FGFR3: variants seen among roughly 807,000 people sequenced by gnomAD.
FGFR3 encodes fibroblast growth factor receptor 3.
Under a neutral mutation model 82.9 loss-of-function variants are expected in FGFR3, and 25 were observed. The observed-to-expected ratio is 0.30, with a 90% CI of 0.22 to 0.42. FGFR3 has a LOEUF of 0.42. FGFR3 is among the 10% of genes least tolerant of loss of function. FGFR3 has a pLI of 1.00. For missense variants in FGFR3, 1,026 were observed against 1,161.0 expected (o/e 0.88, Z 1.69); for synonymous variants, 620 against 516.0 (o/e 1.20, Z -2.73).
intron 7 of FGFR3, chr4:1,803,086 G>T: frequency 6.5e-7 from 1 of 1,544,054 alleles, no homozygotes; most frequent in Non-Finnish European, 8.7e-7. Flanking sequence ...GTCCCATGCC[G>T]GCCGGCACAA....
In FGFR3 at chr4:1,803,848, T is replaced by C. The variant is rs1045418098; in HGVS notation, c.1075+12T>C. The C allele has an allele frequency of 6.9e-6, 11 of 1,598,700 alleles. No individual in the cohort carries two copies. In the Admixed American group the frequency reaches 1.3e-4, roughly 19 times the overall value. ...GGTGGTGCTGCCAGGTACCGGCTTCTGCTGCTGCTGCTGCTCCGCACTGTC... is the reference window on the plus strand; with the variant it reads ...GGTGGTGCTGCCAGGTACCGGCTTCCGCTGCTGCTGCTGCTCCGCACTGTC... On this transcript the variant is annotated intron_variant, in intron 8 of 17. Transcript: ENST00000440486.
chr4:1,796,778 G>A (rs1720565026), intron 2 of FGFR3, among the ~76,000 whole-genome samples: 1 of 152,176 alleles, frequency 6.6e-6, no homozygotes, highest in Admixed American at 6.5e-5. Flanking sequence ...GAGACCCAGG[G>A]CAGGGAGCGC....
intron 2 of FGFR3, among the ~76,000 whole-genome samples, chr4:1,795,821 C>G (rs1720443422): frequency 1.3e-5 from 2 of 152,176 alleles, no homozygotes; most frequent in African/African-American, 2.4e-5. Context: ...AGGGCCTTTC[C>G]CGAAGGTGCT....
At position 1,801,752 on chromosome 4, in the gene FGFR3, C is replaced by T; in HGVS notation, c.739+9C>T. 1.3e-6 allele frequency: 2 copies of T among 1,598,356 alleles called. No individual in the cohort carries two copies. The highest frequency in any genetic ancestry group is 1.7e-6 in the Non-Finnish European group (2 of 1,174,422). On this transcript the variant is annotated intron_variant, in intron 6 of 17. Coordinates refer to ENST00000440486, the MANE Select transcript of FGFR3 (RefSeq NM_000142.5). ...CACGCTGGACGTGCTGGGTGAGGGC[C>T]CTGGGGCGGCGCGGGGGTGGGGGCG...
intron 2 of FGFR3, among the ~76,000 whole-genome samples, chr4:1,798,849 C>T (rs1334314451): frequency 6.6e-6 from 1 of 152,152 alleles, no homozygotes; most frequent in Non-Finnish European, 1.5e-5. Flanking sequence ...AGCACCTGCC[C>T]GTCGTGGTGC....
chr4:1,804,413 A>T lies in FGFR3; in HGVS notation c.1159A>T (p.Ile387Phe), dbSNP rs774204416. The change falls in exon 9 of 18, where the codon ATC becomes TTC. Residue 387 changes from isoleucine (I) to phenylalanine (F), a missense_variant. Physicochemically the swap from Ile to Phe is conservative, Grantham distance 21. Transcript: ENST00000440486. ...LSYGVGFFLF[I>F]LVVAAVTLCR... The stretch of plus-strand genomic sequence containing the variant: ...CTACGGGGTGGGCTTCTTCCTGTTC[A>T]TCCTGGTGGTGGCGGCTGTGACGCT... 6.2e-7 allele frequency: 1 copy of T among 1,612,920 alleles called. No individual in the cohort carries two copies. The highest frequency in any genetic ancestry group is 8.5e-7 in the Non-Finnish European group (1 of 1,179,634).
intron 2 of FGFR3, among the ~76,000 whole-genome samples, chr4:1,796,397 G>A (rs1720515131): frequency 6.6e-6 from 1 of 152,086 alleles, no homozygotes; most frequent in African/African-American, 2.4e-5. Flanking sequence ...ACTTTTGGGG[G>A]CCCCCTCCTC....
At chr4:1,797,977 C>T (rs529320420) in intron 2 of FGFR3, among the ~76,000 whole-genome samples, 2 of 152,284 alleles carry the variant, frequency 1.3e-5, no homozygotes, top group East Asian at 3.9e-4. Flanking sequence ...ATGGCGCAAC[C>T]CGCCCAGCTG....
chr4:1,802,125 G>A (rs1219577685), intron 7 of FGFR3, 100 bp downstream of exon 7: 11 of 1,342,534 alleles, frequency 8.2e-6, no homozygotes, highest in South Asian at 2.5e-5. Context: ...GGGTCTAGGG[G>A]TTGGAGCTTC....
In FGFR3 at chr4:1,799,440, C is replaced by T. The variant is rs2108773509; in HGVS notation, c.296C>T (p.Ala99Val). Reference sequence around the variant, plus strand: ...CCCCAGCGGCTGCAGGTGCTGAATGCCTCCCACGAGGACTCCGGGGCCTAC... The same window carrying T: ...CCCCAGCGGCTGCAGGTGCTGAATGTCTCCCACGAGGACTCCGGGGCCTAC... The part of the protein sequence containing the change: ...VGPQRLQVLN[A>V]SHEDSGAYSC... The change falls in exon 3 of 18, where the codon GCC (alanine) becomes GTC (valine). Residue 99 changes from alanine to valine, a missense_variant. Around this residue, in one of 9 missense-constraint regions of FGFR3, gnomAD observed 226 missense variants for 222.0 expected, o/e 1.02. Transcript: ENST00000440486. 1 of 1,609,030 alleles carries T rather than the reference C, an allele frequency of 6.2e-7. No homozygotes were observed. The highest frequency in any genetic ancestry group is 8.5e-7 in the Non-Finnish European group (1 of 1,178,412).
chr4:1,798,443 T>C (rs929474134), intron 2 of FGFR3, among the ~76,000 whole-genome samples: 2 of 151,792 alleles, frequency 1.3e-5, no homozygotes, highest in African/African-American at 4.8e-5. Context: ...GTTTGTACTT[T>C]GCTCTTCTCG....
chr4:1,798,145 G>C (rs1346745091), intron 2 of FGFR3, among the ~76,000 whole-genome samples: 2 of 152,062 alleles, frequency 1.3e-5, no homozygotes, highest in Non-Finnish European at 2.9e-5. Flanking sequence ...CACAGGCTTT[G>C]GTGGCTCTGG....
chr4:1,803,794 A>G lies in FGFR3; in HGVS notation c.1033A>G (p.Ile345Val), dbSNP rs1315257038. 3.1e-6 allele frequency: 5 copies of G among 1,613,706 alleles called. No individual in the cohort carries two copies. The highest frequency in any genetic ancestry group is 4.2e-6 in the Non-Finnish European group (5 of 1,179,970). The change falls in exon 8 of 18, where the codon ATT becomes GTT. Residue 345 changes from isoleucine (I) to valine (V), a missense_variant. Ile to Val is a conservative substitution (Grantham distance 29). This residue lies in a region of FGFR3 where 256 missense variants were observed against 217.6 expected (regional missense o/e 1.18). Transcript: ENST00000440486. Reference protein sequence around the residue: ...GEYTCLAGNSIGFSHHSAWLV... With the variant: ...GEYTCLAGNSVGFSHHSAWLV... ...GTACACCTGCCTGGCGGGCAATTCTATTGGGTTTTCTCATCACTCTGCGTG... is the reference window on the plus strand; with the variant it reads ...GTACACCTGCCTGGCGGGCAATTCTGTTGGGTTTTCTCATCACTCTGCGTG...
chr4:1,795,528 G>C (rs747089455), intron 2 of FGFR3, among the ~76,000 whole-genome samples: 11 of 152,018 alleles, frequency 7.2e-5, no homozygotes, highest in Non-Finnish European at 1.6e-4. Flanking sequence ...AAGATGGGCC[G>C]GGCAGTAAAA....
At chr4:1,796,877 G>T (rs1720577203) in intron 2 of FGFR3, among the ~76,000 whole-genome samples, 1 of 152,136 alleles carries the variant, frequency 6.6e-6, no homozygotes, top group Non-Finnish European at 1.5e-5. Flanking sequence ...TTTTTACTTT[G>T]TGCCACAGTG....
chr4:1,807,269 A>G lies in FGFR3; in HGVS notation c.*7A>G, dbSNP rs1467150175. Reference sequence around the variant, plus strand: ...TGGGGGCTCGCGGACGTGAAGGGCCACTGGTCCCCAACAATGTGAGGGGTC... The same window carrying G: ...TGGGGGCTCGCGGACGTGAAGGGCCGCTGGTCCCCAACAATGTGAGGGGTC... On this transcript the variant is annotated 3_prime_UTR_variant, in exon 18 of 18. Transcript: ENST00000440486. 8 of 1,591,670 alleles carry G rather than the reference A, an allele frequency of 5.0e-6. No individual in the cohort carries two copies. The highest frequency in any genetic ancestry group is 3.4e-5 in the South Asian group (3 of 88,260).
At chr4:1,794,608 C>T (rs1188876855) in intron 2 of FGFR3, among the ~76,000 whole-genome samples, 1 of 152,176 alleles carries the variant, frequency 6.6e-6, no homozygotes, top group Non-Finnish European at 1.5e-5. Context: ...GCGCGCCGAG[C>T]TCCAGGCAAG....
chr4:1,806,194 C>T (rs778214572), intron 14 of FGFR3, 21 bp downstream of exon 14: 9 of 1,612,140 alleles, frequency 5.6e-6, no homozygotes, highest in African/African-American at 1.3e-5. Context: ...CCCTGGGGTG[C>T]GGGGGTGGGG....
At chr4:1,803,303 C>G (rs1267934986) in intron 7 of FGFR3, among the ~76,000 whole-genome samples, 1 of 152,154 alleles carries the variant, frequency 6.6e-6, no homozygotes, top group Admixed American at 6.5e-5. Flanking sequence ...TGCCCGGTGC[C>G]CACCGGGCCG....
Sources: allele counts gnomAD v4.1 joint callset (sites outside exome capture counted in the v4.1 genomes callset), GRCh38; gene constraint gnomAD v4.1.1; regional missense constraint gnomAD v4.1.1; transcripts MANE v1.5; gene names NCBI Gene and HGNC (gene_info 2026-07-23, HGNC 2026-07-21).